CACNA1E: variants seen among roughly 807,000 people sequenced by gnomAD.
CACNA1E encodes the protein voltage-dependent R-type calcium channel subunit alpha-1E.
CACNA1E carries 40 observed loss-of-function variants against 259.2 expected under a neutral mutation model. That is an observed-to-expected ratio of 0.15 (90% CI 0.12 to 0.20). CACNA1E has a LOEUF of 0.20. Ranked by LOEUF, CACNA1E falls within the 10% of genes least tolerant of loss-of-function variation. The pLI is 1.00. For synonymous variants in CACNA1E, 1,104 were observed against 1,138.5 expected (o/e 0.97, Z 0.61); for missense variants, 1,874 against 3,040.1 (o/e 0.62, Z 9.02).
intron 25 of CACNA1E, among the ~76,000 whole-genome samples, chr1:181,747,615 C>T (rs1020277732): frequency 3.3e-5 from 5 of 151,948 alleles, no homozygotes; most frequent in Admixed American, 2.6e-4. Context: ...AATTTTTGAA[C>T]CTGATAGAAA....
At chr1:181,353,686 A>G (rs1653209195) in intron 1 of CACNA1E, among the ~76,000 whole-genome samples, 1 of 152,182 alleles carries the variant, frequency 6.6e-6, no homozygotes, top group Non-Finnish European at 1.5e-5. Context: ...TTAACAGTGT[A>G]AATAAACCAT....
At chr1:181,398,760 G>A (rs924095130) in intron 1 of CACNA1E, among the ~76,000 whole-genome samples, 2 of 152,158 alleles carry the variant, frequency 1.3e-5, no homozygotes, top group Non-Finnish European at 2.9e-5. Context: ...TTTCAGAAAC[G>A]AGGTCTGAGC....
chr1:181,570,049 G>T (rs1021826881), intron 3 of CACNA1E, among the ~76,000 whole-genome samples: 3 of 152,170 alleles, frequency 2.0e-5, no homozygotes, highest in Non-Finnish European at 4.4e-5. Flanking sequence ...GCCAGGAGGG[G>T]TCTGAGAGGT....
At chr1:181,386,778 T>A (rs948086419) in intron 1 of CACNA1E, among the ~76,000 whole-genome samples, 1 of 152,192 alleles carries the variant, frequency 6.6e-6, no homozygotes, top group Non-Finnish European at 1.5e-5. Context: ...TGCACCCCCA[T>A]GTAGGCCCTT....
Position 181,776,891 on chromosome 1 carries a change from A to G in CACNA1E, c.5267+663A>G, listed in dbSNP as rs1180954456. ...ACATCCCATGGGCAAAATTCAGCCC[A>G]TTGTCTGTTTTTGCAAATAAAGTTT... On this transcript the variant is annotated intron_variant, in intron 38 of 47. Transcript: ENST00000367573. The surrounding 1 kb of genome is among the most constrained non-coding windows in gnomAD (Gnocchi z 4.4). 6.6e-6 allele frequency among the ~76,000 whole-genome samples: 1 copy of G among 152,192 alleles called. No homozygotes were observed. Among genetic ancestry groups the G allele is most frequent in the African/African-American group, 2.4e-5 (1 of 41,450 alleles).
intron 1 of CACNA1E, among the ~76,000 whole-genome samples, chr1:181,364,246 C>T (rs1654099158): frequency 1.3e-5 from 2 of 152,204 alleles, no homozygotes; most frequent in Admixed American, 1.3e-4. Context: ...TCTTTATTCA[C>T]CATCCTAAGC....
rs1655528874 is a variant in CACNA1E at position 181,732,004 on chromosome 1, A to G, written c.2298-380A>G. On this transcript the variant is annotated intron_variant, in intron 19 of 47. Coordinates refer to ENST00000367573, the MANE Select transcript of CACNA1E (RefSeq NM_001205293.3). The surrounding 1 kb of genome is among the most constrained non-coding windows in gnomAD (Gnocchi z 5.5). ...AGGAAAGACCTTTGACCTTGAATCA[A>G]GGGCCGTTGAGTGTGTACAAGCAGA... Among the ~76,000 whole-genome samples the G allele has an allele frequency of 6.6e-6, 1 of 151,712 alleles. No individual in the cohort carries two copies. The highest frequency in any genetic ancestry group is 2.4e-5 in the African/African-American group (1 of 41,262).
At chr1:181,603,856 A>T (rs1185194419) in intron 6 of CACNA1E, among the ~76,000 whole-genome samples, 1 of 152,112 alleles carries the variant, frequency 6.6e-6, no homozygotes, top group Non-Finnish European at 1.5e-5. Context: ...GTCTCTGGTG[A>T]TATGTACTGG....
In CACNA1E at chr1:181,418,206, C is replaced by G. The variant is rs151048783; in HGVS notation, c.434+4626C>G. ...AGAGACAGGATTTTGCCGTGTTGCC[C>G]AGACTGATCTCAAACTCTTGGCCTC... On this transcript the variant is annotated intron_variant, in intron 2 of 11. Coordinates refer to the CACNA1E transcript ENST00000524607. Among the ~76,000 whole-genome samples the G allele has an allele frequency of 4.2e-3, 637 of 152,244 alleles. 5 individuals are homozygous for G. The highest frequency in any genetic ancestry group is 0.013 in the African/African-American group (560 of 41,534).
intron 7 of CACNA1E, among the ~76,000 whole-genome samples, chr1:181,692,706 C>T (rs550309741): frequency 6.6e-6 from 1 of 152,016 alleles, no homozygotes. Flanking sequence ...AAGAAATACA[C>T]CTAGGAAACA....
chr1:181,402,741 T>C (rs1657194037), intron 1 of CACNA1E, among the ~76,000 whole-genome samples: 1 of 152,112 alleles, frequency 6.6e-6, no homozygotes, highest in Non-Finnish European at 1.5e-5. Context: ...CATGTACATA[T>C]GTACATGCCA....
chr1:181,443,552 T>C (rs1408168248), intron 2 of CACNA1E, among the ~76,000 whole-genome samples: 1 of 152,200 alleles, frequency 6.6e-6, no homozygotes, highest in African/African-American at 2.4e-5. Flanking sequence ...GTGGTACAGA[T>C]TTAAAAGGAG....
At chr1:181,545,669 A>G (rs1647371933) in intron 3 of CACNA1E, among the ~76,000 whole-genome samples, 1 of 152,182 alleles carries the variant, frequency 6.6e-6, no homozygotes, top group Non-Finnish European at 1.5e-5. Context: ...CGAGGAAACC[A>G]CAGTCTGTCT....
At chr1:181,436,708 G>C (rs1038836059) in intron 2 of CACNA1E, among the ~76,000 whole-genome samples, 3 of 152,000 alleles carry the variant, frequency 2.0e-5, no homozygotes, top group African/African-American at 7.3e-5. Context: ...TGGGGACGAG[G>C]GGGGTGGATG....
intron 6 of CACNA1E, among the ~76,000 whole-genome samples, chr1:181,637,731 C>A (rs1225854795): frequency 6.6e-6 from 1 of 152,016 alleles, no homozygotes; most frequent in Admixed American, 6.6e-5. Context: ...GATTATGTTG[C>A]AGTTAAGTGG....
At chr1:181,407,075 C>T (rs746977013) in intron 1 of CACNA1E, among the ~76,000 whole-genome samples, 6 of 152,168 alleles carry the variant, frequency 3.9e-5, no homozygotes, top group Non-Finnish European at 8.8e-5. Context: ...TGACTTAGTG[C>T]ACACTCCATA....
chr1:181,562,801 T>C (rs1226609118), intron 3 of CACNA1E, among the ~76,000 whole-genome samples: 1 of 152,198 alleles, frequency 6.6e-6, no homozygotes, highest in East Asian at 1.9e-4. Flanking sequence ...AGTTTCCCTG[T>C]TGTGAGAGTA....
intron 3 of CACNA1E, among the ~76,000 whole-genome samples, chr1:181,570,029 C>T (rs1402159875): frequency 1.3e-5 from 2 of 152,158 alleles, no homozygotes; most frequent in Non-Finnish European, 2.9e-5. Flanking sequence ...TGTTGGCTCA[C>T]AGAGTTAGAG....
chr1:181,392,180 G>A (rs1289459344), intron 1 of CACNA1E, among the ~76,000 whole-genome samples: 4 of 152,264 alleles, frequency 2.6e-5, no homozygotes, highest in Admixed American at 2.0e-4. Context: ...TGGCATTAAA[G>A]CCTTTTAGGT....
Sources: gnomAD v4.1 joint callset for allele counts (sites outside exome capture counted in the v4.1 genomes callset) on GRCh38, gnomAD v4.1.1 for gene constraint, Gnocchi (gnomAD v3.1) non-coding constraint, MANE v1.5 for transcripts, NCBI Gene and HGNC (gene_info 2026-07-23, HGNC 2026-07-21) for gene names.